The following CSMD1 variants were observed in gnomAD, a reference collection of about 807,000 sequenced individuals.
The protein encoded by CSMD1 is CUB and Sushi multiple domains 1.
Under a neutral mutation model 417.5 loss-of-function variants are expected in CSMD1, and 213 were observed. That is an observed-to-expected ratio of 0.51 (90% confidence interval 0.46 to 0.57). The LOEUF (loss-of-function observed/expected upper bound fraction) is 0.57, where lower values mean the gene tolerates loss of function less well. Among genes scored for constraint, CSMD1 ranks in the 20% least tolerant of loss-of-function variants. The pLI is 0.00. For synonymous variants in CSMD1, 2,862 were observed against 1,736.8 expected (o/e 1.65, Z -16.11); for missense variants, 6,923 against 4,529.7 (o/e 1.53, Z -15.17).
intron 3 of CSMD1, among the ~76,000 whole-genome samples, chr8:4,119,195 C>A (rs890872432): frequency 6.6e-6 from 1 of 152,026 alleles, no homozygotes; most frequent in South Asian, 2.1e-4. Flanking sequence ...CATCGTGGCA[C>A]ACATATACCT....
At chr8:3,746,282 T>C (rs993976656) in intron 6 of CSMD1, among the ~76,000 whole-genome samples, 4 of 152,226 alleles carry the variant, frequency 2.6e-5, no homozygotes, top group African/African-American at 7.2e-5. Flanking sequence ...AAGGGATTGA[T>C]AACCTACCTG....
At chr8:3,554,150 CACAAAAAG>C (rs1191618762) in intron 10 of CSMD1, among the ~76,000 whole-genome samples, 1 of 152,110 alleles carries the variant, frequency 6.6e-6, no homozygotes, top group African/African-American at 2.4e-5. Flanking sequence ...GTGAAACATA[CACAAAAAG>C]AAGGTAGACA....
At chr8:3,179,736 G>A (rs898516) in intron 37 of CSMD1, among the ~76,000 whole-genome samples, 23,445 of 152,126 alleles carry the variant, frequency 0.15, 1,917 homozygotes, top group Non-Finnish European at 0.19. Context: ...TCATAAACAA[G>A]GCTTATGTTT....
At chr8:3,815,797 G>A (rs12679566) in intron 5 of CSMD1, among the ~76,000 whole-genome samples, 49,512 of 151,828 alleles carry the variant, frequency 0.33, 8,502 homozygotes, top group Middle Eastern at 0.39. Flanking sequence ...GTGAGCTAGT[G>A]AACGGGCCTA....
chr8:4,067,440 G>A (rs1799309970), intron 3 of CSMD1, among the ~76,000 whole-genome samples: 1 of 151,880 alleles, frequency 6.6e-6, no homozygotes, highest in African/African-American at 2.4e-5. Context: ...ATTTATTATT[G>A]TTATACAGTG....
intron 1 of CSMD1, among the ~76,000 whole-genome samples, chr8:4,637,908 G>A (rs1473492633): frequency 1.3e-5 from 2 of 151,132 alleles, no homozygotes; most frequent in Non-Finnish European, 2.9e-5. Flanking sequence ...CTGACCTCAT[G>A]ATCCACCCGC....
At chr8:3,764,739 C>CTTTTTTTTTT (rs66603480) in intron 5 of CSMD1, among the ~76,000 whole-genome samples, 9 of 129,784 alleles carry the variant, frequency 6.9e-5, no homozygotes, top group Non-Finnish European at 8.2e-5. Flanking sequence ...TTTTCTCTTT[C>CTTTTTTTTTT]TTTTTTTTTT....
intron 3 of CSMD1, among the ~76,000 whole-genome samples, chr8:4,281,758 A>T (rs903744737): frequency 6.6e-6 from 1 of 152,372 alleles, no homozygotes; most frequent in Admixed American, 6.5e-5. Context: ...TTGTTTTCAA[A>T]ATACATAAAG....
chr8:3,065,333 G>C lies in CSMD1; in HGVS notation c.7475-12686C>G, dbSNP rs1001316583. 4.6e-5 allele frequency among the ~76,000 whole-genome samples: 7 copies of C among 151,684 alleles called. No homozygotes were observed. In the East Asian group the frequency reaches 9.7e-4, roughly 21 times the overall value. ...TAGATAGATAGACAGACAGACAACA[G>C]ATAGAAAGATAGATACATAGATAAG... On this transcript the variant is annotated intron_variant, in intron 49 of 69. Coordinates refer to ENST00000635120, the MANE Select transcript of CSMD1 (RefSeq NM_033225.6).
chr8:4,388,877 C>T (rs1262856856), intron 3 of CSMD1, among the ~76,000 whole-genome samples: 2 of 152,100 alleles, frequency 1.3e-5, no homozygotes, highest in Admixed American at 6.6e-5. Context: ...TCAGCTGAAA[C>T]GTCTCCTCTT....
At chr8:3,152,057 G>C (rs901297205) in intron 39 of CSMD1, among the ~76,000 whole-genome samples, 4 of 152,186 alleles carry the variant, frequency 2.6e-5, no homozygotes, top group African/African-American at 9.7e-5. Context: ...CATTCCAGCT[G>C]CGTCTGGTTC....
chr8:3,419,091 G>C (rs1010612852), intron 12 of CSMD1, among the ~76,000 whole-genome samples: 2 of 152,222 alleles, frequency 1.3e-5, no homozygotes, highest in African/African-American at 2.4e-5. Flanking sequence ...TGAAACGCCA[G>C]CTAGGAACCT....
intron 3 of CSMD1, among the ~76,000 whole-genome samples, chr8:4,278,642 A>G (rs1796614358): frequency 6.6e-6 from 1 of 152,208 alleles, no homozygotes; most frequent in African/African-American, 2.4e-5. Context: ...TACGAATTCA[A>G]CATAAAGTGT....
At chr8:3,359,510 T>C (rs1585049855) in intron 20 of CSMD1, among the ~76,000 whole-genome samples, 170 bp from the exon 21 acceptor site, 2 of 151,508 alleles carry the variant, frequency 1.3e-5, no homozygotes, top group African/African-American at 2.4e-5. Flanking sequence ...TACTATGAAC[T>C]GTCTTATGAC....
chr8:3,406,577 T>A (rs558212127), intron 14 of CSMD1, among the ~76,000 whole-genome samples: 21 of 152,290 alleles, frequency 1.4e-4, no homozygotes, highest in African/African-American at 4.8e-4. Context: ...TTTCTTACTA[T>A]GTCAGAGGAC....
chr8:3,761,716 G>A (rs1394521555), intron 5 of CSMD1, among the ~76,000 whole-genome samples: 4 of 151,996 alleles, frequency 2.6e-5, no homozygotes, highest in African/African-American at 9.7e-5. Flanking sequence ...ATGTTGGCCA[G>A]GCTGGTCTCG....
At chr8:4,465,716 A>T (rs77897909) in intron 2 of CSMD1, among the ~76,000 whole-genome samples, 2 of 152,172 alleles carry the variant, frequency 1.3e-5, no homozygotes, top group African/African-American at 4.8e-5. Flanking sequence ...ATGGTAGGAA[A>T]GGATGCTGGT....
chr8:4,672,217 C>A (rs571979328), intron 1 of CSMD1, among the ~76,000 whole-genome samples: 2 of 152,264 alleles, frequency 1.3e-5, no homozygotes, highest in East Asian at 3.9e-4. Flanking sequence ...ATGGCAGCTG[C>A]AGAGAAGGTT....
intron 7 of CSMD1, among the ~76,000 whole-genome samples, chr8:3,684,794 C>A (rs185541752): frequency 6.6e-6 from 1 of 152,162 alleles, no homozygotes; most frequent in East Asian, 1.9e-4. Context: ...TTTAGTCACC[C>A]TCATTCTCCT....
Sources: allele counts gnomAD v4.1 joint callset (sites outside exome capture counted in the v4.1 genomes callset), GRCh38; gene constraint gnomAD v4.1.1; transcripts MANE v1.5; gene names NCBI Gene and HGNC (gene_info 2026-07-23, HGNC 2026-07-21).